Variants in EGLN1 observed in about 807,000 individuals in gnomAD.
EGLN1 encodes egl-9 family hypoxia inducible factor 1, also known as egl nine homolog 1.
In EGLN1, 17 loss-of-function variants were observed where a neutral mutation model predicts 38.3. The observed-to-expected ratio is 0.44, with a 90% confidence interval of 0.30 to 0.67. EGLN1 has a LOEUF of 0.67. Among genes scored for constraint, EGLN1 ranks in the 30% least tolerant of loss-of-function variants. The probability of loss-of-function intolerance (pLI) is 0.08; values close to 1 mark genes in which losing one functional copy is unlikely to be tolerated. For missense variants in EGLN1, 477 were observed against 603.3 expected, an observed-to-expected ratio of 0.79 and a Z score of 2.19; for synonymous variants, 283 against 257.5, an observed-to-expected ratio of 1.10 and a Z score of -0.95.
At chr1:231,398,295 A>C (rs1290054856) in intron 1 of EGLN1, among the ~76,000 whole-genome samples, 4 of 152,244 alleles carry the variant, frequency 2.6e-5, no homozygotes, top group South Asian at 2.1e-4. Flanking sequence ...AGGGTCAGCA[A>C]ACTATGGCCT....
At chr1:231,366,855 G>A (rs1401283690) in intron 4 of EGLN1, among the ~76,000 whole-genome samples, 1 of 152,174 alleles carries the variant, frequency 6.6e-6, no homozygotes, top group Non-Finnish European at 1.5e-5. Flanking sequence ...GTCGACGTGC[G>A]ATTAGCAATG....
intron 4 of EGLN1, among the ~76,000 whole-genome samples, 168 bp downstream of exon 4, chr1:231,367,401 G>A (rs1687677758): frequency 6.6e-6 from 1 of 152,146 alleles, no homozygotes; most frequent in Non-Finnish European, 1.5e-5. Context: ...AGATAACAGT[G>A]AAGATGACTT....
At position 231,367,492 on chromosome 1, in the gene EGLN1, G is replaced by A. The variant is rs1226004462; in HGVS notation, c.1216+77C>T. ...TATTCATGGTGTTAACAAAGACTAT[G>A]CTTGAGTTTCCTGAAAGCATCACCT... On this transcript the variant is annotated intron_variant, in intron 4 of 4. Coordinates refer to ENST00000366641, the MANE Select transcript of EGLN1 (RefSeq NM_022051.3). 2.9e-6 allele frequency: 4 copies of A among 1,399,840 alleles called. No individual in the cohort carries two copies. The Admixed American group carries it at 6.7e-5, about 23-fold the overall frequency. The allele number at this position is 1,399,840 out of a possible 1,614,324, so 86.7% of individuals were successfully genotyped here.
chr1:231,377,907 T>C (rs2572252), intron 1 of EGLN1, among the ~76,000 whole-genome samples: 82,931 of 152,002 alleles, frequency 0.55, 24,244 homozygotes, highest in Non-Finnish European at 0.65. Context: ...AAAGGCAGAG[T>C]AAAGAAAAGT....
At chr1:231,391,580 T>C (rs948390910) in intron 1 of EGLN1, among the ~76,000 whole-genome samples, 8 of 152,188 alleles carry the variant, frequency 5.3e-5, no homozygotes, top group Non-Finnish European at 1.0e-4. Flanking sequence ...CGGTAACTTT[T>C]ATTAGTCTAA....
At chr1:231,394,322 A>T (rs990343393) in intron 1 of EGLN1, among the ~76,000 whole-genome samples, 1 of 151,198 alleles carries the variant, frequency 6.6e-6, no homozygotes, top group Non-Finnish European at 1.5e-5. Flanking sequence ...GTTCCTCAAA[A>T]TGGTTATTTC....
chr1:231,409,565 T>C (rs551692561), intron 1 of EGLN1, among the ~76,000 whole-genome samples: 1 of 152,280 alleles, frequency 6.6e-6, no homozygotes, highest in Non-Finnish European at 1.5e-5. Context: ...CCAATCCTCA[T>C]TCCTTCCAAC....
intron 1 of EGLN1, among the ~76,000 whole-genome samples, chr1:231,406,165 C>CAAAACAAAAAAAA (rs1313715220): frequency 7.2e-6 from 1 of 139,090 alleles, no homozygotes; most frequent in Non-Finnish European, 1.5e-5. Flanking sequence ...GACTCCGTCT[C>CAAAACAAAAAAAA]AAAAAAAAAA....
At position 231,374,089 on chromosome 1, in the gene EGLN1, G is replaced by C; in HGVS notation, c.902C>G (p.Ala301Gly). 1 of 1,613,346 alleles carries C rather than the reference G, an allele frequency of 6.2e-7. No homozygotes were observed. The highest frequency in any genetic ancestry group is 1.3e-5 in the African/African-American group (1 of 74,974). Residue 301 changes from alanine to glycine, a missense_variant, in exon 2 of 5, where the codon GCT becomes GGT. Ala to Gly is a moderately conservative substitution (Grantham distance 60, BLOSUM62 0). This residue lies in a region of EGLN1 where 119 missense variants were observed against 179.0 expected (regional missense o/e 0.66). Coordinates refer to ENST00000366641, the MANE Select transcript of EGLN1 (RefSeq NM_022051.3). ...ACCCGTTCCATTGCCCGGATAACAA[G>C]CAACCATGGCCTGTAATAATGATAA... ...KINGRTKAMV[A>G]CYPGNGTGYV...
rs916118582 is a variant in EGLN1, at chr1:231,421,574, C to T, written c.315G>A (p.Gly105=). 1.5e-6 allele frequency: 2 copies of T among 1,311,522 alleles called. No homozygotes were observed. Among genetic ancestry groups the T allele is most frequent in the Admixed American group, 8.4e-5 (2 of 23,748 alleles). The allele number at this position is 1,311,522 out of a possible 1,614,324, so 81.2% of individuals were successfully genotyped here. A position where few individuals can be genotyped will look rare whatever the true frequency, so the allele number is the denominator to read the frequency against. The part of the protein sequence containing the change: ...KAAARRDNAS[G]DAAKGKVKAK... ...CCTTTACTTTTCCCTTGGCCGCGTCCCCGGAGGCGTTGTCCCGGCGCGCCG... is the reference window on the plus strand; with the variant it reads ...CCTTTACTTTTCCCTTGGCCGCGTCTCCGGAGGCGTTGTCCCGGCGCGCCG... The change falls in exon 1 of 5, where the codon GGG becomes GGA. Residue 105 remains glycine (G), a synonymous_variant. Transcript: ENST00000366641. The surrounding 1 kb of genome is among the most constrained non-coding windows in gnomAD (Gnocchi z 5.5).
At chr1:231,393,647 T>C (rs955609740) in intron 1 of EGLN1, among the ~76,000 whole-genome samples, 1 of 152,194 alleles carries the variant, frequency 6.6e-6, no homozygotes, top group African/African-American at 2.4e-5. Context: ...CCTCTTATAT[T>C]CCATGTCCCT....
chr1:231,409,486 A>T (rs1688878703), intron 1 of EGLN1, among the ~76,000 whole-genome samples: 1 of 152,162 alleles, frequency 6.6e-6, no homozygotes, highest in African/African-American at 2.4e-5. Flanking sequence ...ATAGCTGTTG[A>T]ATAACTAAAT....
chr1:231,364,003 T>A lies in EGLN1; in HGVS notation c.*2408A>T, dbSNP rs1490639415. On this transcript the variant is annotated 3_prime_UTR_variant, in exon 5 of 5. Transcript: ENST00000366641. The stretch of plus-strand genomic sequence containing the variant: ...AACACATATAGGCCACAAACAGTTT[T>A]AAATTTTGTTTGAAATAGAGTCCTG... The A allele has an allele frequency of 6.6e-6, 1 of 152,216 alleles. No homozygotes were observed. Among genetic ancestry groups the A allele is most frequent in the African/African-American group, 2.4e-5 (1 of 41,458 alleles). 9.4% of individuals were successfully genotyped at this position (152,216 alleles called of 1,614,324 possible). A position where few individuals can be genotyped will look rare whatever the true frequency, so the allele number is the denominator to read the frequency against.
chr1:231,380,468 A>G (rs1285412502), intron 1 of EGLN1, among the ~76,000 whole-genome samples: 1 of 149,412 alleles, frequency 6.7e-6, no homozygotes, highest in Non-Finnish European at 1.5e-5. Context: ...TGATAGGTAT[A>G]TATATATTTT....
intron 1 of EGLN1, among the ~76,000 whole-genome samples, chr1:231,391,373 A>G (rs1275814412): frequency 6.6e-6 from 1 of 152,196 alleles, no homozygotes; most frequent in Non-Finnish European, 1.5e-5. Context: ...TAGAATTTTA[A>G]AAGTGGAAAA....
In EGLN1 at chr1:231,421,350, C is replaced by A; in HGVS notation, c.539G>T (p.Arg180Leu). 6.2e-7 allele frequency: 1 copy of A among 1,610,026 alleles called. No individual in the cohort carries two copies. Reference protein sequence around the residue: ...GDALSPGGGLRPNGQTKPLPA... With the variant: ...GDALSPGGGLLPNGQTKPLPA... Reference sequence around the variant, plus strand: ...CAGGGGCTTCGTCTGCCCGTTGGGCCGCAGGCCGCCGCCGGGGCTCAGCGC... The same window carrying A: ...CAGGGGCTTCGTCTGCCCGTTGGGCAGCAGGCCGCCGCCGGGGCTCAGCGC... Residue 180 changes from arginine (R) to leucine (L), a missense_variant, in exon 1 of 5, where the codon CGG (arginine) becomes CTG (leucine). Arg to Leu is a moderately radical substitution (Grantham distance 102). Around this residue, in one of 4 missense-constraint regions of EGLN1, gnomAD observed 298 missense variants for 288.9 expected, o/e 1.03. Transcript: ENST00000366641. This position sits in a 1 kb window ranked among gnomAD's most constrained non-coding sequence, Gnocchi z 5.5.
In EGLN1 at chr1:231,370,686, T is replaced by C. The variant is rs1411721495; in HGVS notation, c.1024A>G (p.Ile342Val). Residue 342 changes from isoleucine to valine, a missense_variant, in exon 3 of 5, where the codon ATA (isoleucine) becomes GTA (valine). Transcript: ENST00000366641. ...KDWDAKVSGG[I>V]LRIFPEGKAQ... Reference sequence around the variant, plus strand: ...TTGCCTTCTGGAAAAATTCGAAGTATACCTCCACTTACCTAGGAAAAGAGC... The same window carrying C: ...TTGCCTTCTGGAAAAATTCGAAGTACACCTCCACTTACCTAGGAAAAGAGC... 2 of 1,614,086 alleles carry C rather than the reference T, an allele frequency of 1.2e-6. No homozygotes were observed. The highest frequency in any genetic ancestry group is 1.1e-5 in the South Asian group (1 of 91,082).
chr1:231,387,659 G>A (rs1054488866), intron 1 of EGLN1, among the ~76,000 whole-genome samples: 1 of 151,904 alleles, frequency 6.6e-6, no homozygotes, highest in Non-Finnish European at 1.5e-5. Context: ...ACACCCGGCC[G>A]CAACTTATTT....
At chr1:231,411,124 T>G (rs1300102071) in intron 1 of EGLN1, among the ~76,000 whole-genome samples, 1 of 152,188 alleles carries the variant, frequency 6.6e-6, no homozygotes, top group African/African-American at 2.4e-5. Context: ...CCAAATCTCA[T>G]ATTGAATTAT....
Sources: allele counts gnomAD v4.1 joint callset (sites outside exome capture counted in the v4.1 genomes callset), GRCh38; gene constraint gnomAD v4.1.1; regional missense constraint gnomAD v4.1.1; non-coding constraint Gnocchi (gnomAD v3.1); transcripts MANE v1.5; gene names NCBI Gene and HGNC (gene_info 2026-07-23, HGNC 2026-07-21).